The following PEPD variants were observed in gnomAD, a reference collection of about 807,000 sequenced individuals.
PEPD encodes xaa-Pro dipeptidase.
Under a neutral mutation model 60.7 loss-of-function variants are expected in PEPD, and 53 were observed. The ratio of observed to expected loss-of-function variants is 0.87; its 90% CI spans 0.70 to 1.10. PEPD has a LOEUF of 1.10. Among genes scored for constraint, PEPD ranks in the 50% least tolerant of loss-of-function variants. The pLI is 0.00. For synonymous variants in PEPD, 267 were observed against 284.1 expected, an observed-to-expected ratio of 0.94 and a Z score of 0.60; for missense variants, 711 against 711.9, an observed-to-expected ratio of 1.00 and a Z score of 0.01.
chr19:33,461,525 T>C (rs1454344994), intron 9 of PEPD, among the ~76,000 whole-genome samples: 1 of 152,114 alleles, frequency 6.6e-6, no homozygotes, highest in Non-Finnish European at 1.5e-5. Context: ...GCAGCCAGCA[T>C]GCAGAGGACG....
At chr19:33,479,176 A>G (rs1173851130) in intron 6 of PEPD, among the ~76,000 whole-genome samples, 1 of 152,210 alleles carries the variant, frequency 6.6e-6, no homozygotes, top group African/African-American at 2.4e-5. Context: ...TAATCCCCAT[A>G]ATCATTAAGA....
chr19:33,508,050 A>G (rs1056011282), intron 3 of PEPD, among the ~76,000 whole-genome samples: 2 of 151,850 alleles, frequency 1.3e-5, no homozygotes, highest in Non-Finnish European at 2.9e-5. Flanking sequence ...AACCCCTGGA[A>G]ACCCCAGGTG....
intron 7 of PEPD, among the ~76,000 whole-genome samples, chr19:33,470,900 AG>A (rs1568488135): frequency 2.6e-5 from 4 of 152,302 alleles, no homozygotes; most frequent in East Asian, 3.9e-4. Flanking sequence ...TCCCACAGGT[AG>A]GAAGAGCAGC....
intron 9 of PEPD, among the ~76,000 whole-genome samples, chr19:33,442,833 C>T (rs1212101872): frequency 5.9e-5 from 9 of 152,152 alleles, no homozygotes; most frequent in South Asian, 2.1e-4. Flanking sequence ...ATTATAGACA[C>T]GTGCAGGGCC....
At chr19:33,474,525 T>C (rs1402277019) in intron 7 of PEPD, among the ~76,000 whole-genome samples, 2 of 151,918 alleles carry the variant, frequency 1.3e-5, no homozygotes, top group Non-Finnish European at 1.5e-5. Context: ...CCATCTCTAC[T>C]AAAAATGCAA....
intron 9 of PEPD, among the ~76,000 whole-genome samples, chr19:33,458,076 G>A (rs531364086): frequency 1.3e-5 from 2 of 152,252 alleles, no homozygotes; most frequent in South Asian, 4.1e-4. Flanking sequence ...TGTATGGTGT[G>A]TAGTGTGTGT....
chr19:33,476,401 A>C (rs1231452161), intron 7 of PEPD, among the ~76,000 whole-genome samples: 1 of 152,084 alleles, frequency 6.6e-6, no homozygotes, highest in Non-Finnish European at 1.5e-5. Context: ...TGGCCCTCCC[A>C]GTTGTCCCCA....
intron 10 of PEPD, among the ~76,000 whole-genome samples, chr19:33,412,547 G>T (rs1483479362): frequency 6.6e-6 from 1 of 152,196 alleles, no homozygotes; most frequent in Non-Finnish European, 1.5e-5. Context: ...GCCTGAGAAG[G>T]CTTCCCTAAT....
chr19:33,450,501 C>T (rs1436706166), intron 9 of PEPD, among the ~76,000 whole-genome samples: 1 of 152,126 alleles, frequency 6.6e-6, no homozygotes, highest in Non-Finnish European at 1.5e-5. Flanking sequence ...GAGTCAATAC[C>T]CACTGAAGCC....
At chr19:33,415,044 C>A (rs925876779) in intron 9 of PEPD, among the ~76,000 whole-genome samples, 5 of 152,182 alleles carry the variant, frequency 3.3e-5, no homozygotes, top group African/African-American at 1.2e-4. Flanking sequence ...GGCAGTGCCC[C>A]ACATGGCAAG....
intron 6 of PEPD, among the ~76,000 whole-genome samples, chr19:33,482,165 G>A (rs927035236): frequency 5.3e-5 from 8 of 152,114 alleles, no homozygotes; most frequent in Admixed American, 3.9e-4. Flanking sequence ...AATTCCTTGC[G>A]AATAGAGACA....
chr19:33,474,126 C>A (rs1183783328), intron 7 of PEPD, among the ~76,000 whole-genome samples: 2 of 152,132 alleles, frequency 1.3e-5, no homozygotes, highest in Non-Finnish European at 2.9e-5. Context: ...CCCTACTATA[C>A]CCTGGCCCCA....
At chr19:33,509,647 C>T (rs1970883509) in intron 3 of PEPD, among the ~76,000 whole-genome samples, 1 of 152,248 alleles carries the variant, frequency 6.6e-6, no homozygotes, top group African/African-American at 2.4e-5. Context: ...TGCAGCCCAC[C>T]TGGTAATGAG....
At chr19:33,397,026 A>G (rs1459212018) in intron 12 of PEPD, among the ~76,000 whole-genome samples, 1 of 152,028 alleles carries the variant, frequency 6.6e-6, no homozygotes, top group East Asian at 1.9e-4. Flanking sequence ...CTGCCCCAAC[A>G]CAGGAGCCGC....
intron 9 of PEPD, 55 bp from the exon 10 acceptor site, chr19:33,413,698 C>T: frequency 9.3e-7 from 1 of 1,070,826 alleles, no homozygotes; most frequent in Middle Eastern, 2.0e-4. Flanking sequence ...ACACCCCACT[C>T]CACGAGCCCC....
chr19:33,414,074 G>A (rs555070518), intron 9 of PEPD, among the ~76,000 whole-genome samples: 1 of 152,330 alleles, frequency 6.6e-6, no homozygotes, highest in African/African-American at 2.4e-5. Flanking sequence ...CACCCACCCT[G>A]CCAGGAGGGG....
chr19:33,418,404 C>T (rs913383010), intron 9 of PEPD, among the ~76,000 whole-genome samples: 1 of 152,194 alleles, frequency 6.6e-6, no homozygotes, highest in African/African-American at 2.4e-5. Context: ...GGAGCAGCTA[C>T]TATGGAGGAC....
intron 11 of PEPD, among the ~76,000 whole-genome samples, chr19:33,404,972 G>T (rs891529091): frequency 6.6e-6 from 1 of 152,238 alleles, no homozygotes; most frequent in Non-Finnish European, 1.5e-5. Context: ...CGACAATGGA[G>T]AATTCGGTCA....
intron 9 of PEPD, among the ~76,000 whole-genome samples, chr19:33,459,663 C>T (rs1403726803): frequency 3.5e-5 from 5 of 140,912 alleles, no homozygotes; most frequent in African/African-American, 8.2e-5. Context: ...AAATGCCATC[C>T]GCTCGCTCAC....
Sources: gnomAD v4.1 joint callset for allele counts (sites outside exome capture counted in the v4.1 genomes callset) on GRCh38, gnomAD v4.1.1 for gene constraint, MANE v1.5 for transcripts, NCBI Gene and HGNC (gene_info 2026-07-23, HGNC 2026-07-21) for gene names.